The following FAM107A variants were observed in gnomAD, a reference collection of about 807,000 sequenced individuals.
FAM107A encodes actin-associated protein FAM107A.
Under a neutral mutation model 13.7 loss-of-function variants are expected in FAM107A, and 19 were observed. The observed-to-expected ratio is 1.38, with a 90% CI of 0.97 to 2.03. FAM107A has a LOEUF of 2.03. Ranked by LOEUF, FAM107A falls within the 30% of genes most tolerant of loss-of-function variation. FAM107A has a pLI of 0.00. For missense variants in FAM107A, 203 were observed against 184.4 expected, an observed-to-expected ratio of 1.10 and a Z score of -0.58; for synonymous variants, 82 against 74.5, an observed-to-expected ratio of 1.10 and a Z score of -0.52.
At chr3:58,573,038 A>G (rs1210108122) in intron 1 of FAM107A, among the ~76,000 whole-genome samples, 3 of 33,846 alleles carry the variant, frequency 8.9e-5, no homozygotes, top group Non-Finnish European at 1.6e-4. Flanking sequence ...GACTTGCTCC[A>G]GGCCTTAAAA....
At chr3:58,591,366 C>T (rs150333237), upstream of FAM107A, among the ~76,000 whole-genome samples, 162 of 152,178 alleles carry the variant, frequency 1.1e-3, no homozygotes, top group African/African-American at 3.5e-3. The surrounding 1 kb of genome is among the most constrained non-coding windows in gnomAD (Gnocchi z 4.3). Flanking sequence ...GCAGGGTCAG[C>T]GGTTAATGCA....
intron 1 of FAM107A, among the ~76,000 whole-genome samples, chr3:58,576,351 A>C (rs2063730607): frequency 6.6e-6 from 1 of 152,256 alleles, no homozygotes; most frequent in African/African-American, 2.4e-5. Context: ...AGGGCTAGAC[A>C]TGGAGGATAC....
upstream of FAM107A, among the ~76,000 whole-genome samples, chr3:58,590,757 C>G (rs762745296): frequency 2.0e-5 from 3 of 152,170 alleles, no homozygotes; most frequent in Non-Finnish European, 4.4e-5. Flanking sequence ...CTAATCACCT[C>G]CCACTAGGTC....
At chr3:58,622,502 C>T (rs1419851060) in intron 1 of FAM107A, among the ~76,000 whole-genome samples, 2 of 152,104 alleles carry the variant, frequency 1.3e-5, no homozygotes, top group Non-Finnish European at 2.9e-5. Context: ...GGTTGGAGCT[C>T]GACAATTGAC....
At position 58,569,670 on chromosome 3, in the gene FAM107A, G is replaced by A; in HGVS notation, c.170+21C>T. The A allele has an allele frequency of 6.3e-7, 1 of 1,598,724 alleles. No individual in the cohort carries two copies. Among genetic ancestry groups the A allele is most frequent in the Non-Finnish European group, 8.5e-7 (1 of 1,172,680 alleles). ...AGGCCCAGGTGCTTGCGGGGCCCAG[G>A]CAGCAGGGCTTCATCCCTACCTTCT... is the stretch of plus-strand genomic sequence containing the variant. On this transcript the variant is annotated intron_variant, in intron 2 of 3. Coordinates refer to ENST00000360997, the MANE Select transcript of FAM107A (RefSeq NM_001076778.3). The surrounding 1 kb of genome is among the most constrained non-coding windows in gnomAD (Gnocchi z 5.7).
Position 58,617,052 on chromosome 3 carries a change from G to A in FAM107A, c.-70+10364C>T, listed in dbSNP as rs11719674. Among the ~76,000 whole-genome samples, 10,894 of 152,206 alleles carry A rather than the reference G, an allele frequency of 0.072. 432 individuals carry two copies. The highest frequency in any genetic ancestry group is 0.094 in the African/African-American group (3,890 of 41,534). ...CTCCCAAAGTGCTGGGATTACAGGCGTGAGCCACCGCGCCTGGCCTCGGCT... is the reference window on the plus strand; with the variant it reads ...CTCCCAAAGTGCTGGGATTACAGGCATGAGCCACCGCGCCTGGCCTCGGCT... On this transcript the variant is annotated intron_variant, in intron 1 of 3. Coordinates refer to the FAM107A transcript ENST00000465970. This position sits in a 1 kb window ranked among gnomAD's most constrained non-coding sequence, Gnocchi z 4.5.
chr3:58,618,731 C>T (rs2065926667), intron 1 of FAM107A, among the ~76,000 whole-genome samples: 1 of 151,610 alleles, frequency 6.6e-6, no homozygotes, highest in South Asian at 2.1e-4. Flanking sequence ...CTCTTCCTCT[C>T]TTGAGGTCTT....
chr3:58,625,965 C>T (rs1394508877), intron 1 of FAM107A, among the ~76,000 whole-genome samples: 2 of 152,196 alleles, frequency 1.3e-5, no homozygotes, highest in Non-Finnish European at 2.9e-5. Flanking sequence ...TGGGGTAGCA[C>T]ACTGAGCACT....
In FAM107A at chr3:58,565,442, T is replaced by TAA. The variant is rs2063610735; in HGVS notation, c.*1145_*1146insTT. 2 of 125,604 alleles carry TAA rather than the reference T, an allele frequency of 1.6e-5. No homozygotes were observed. The highest frequency in any genetic ancestry group is 2.5e-4 in the South Asian group (1 of 4,052). 7.8% of individuals were successfully genotyped at this position (125,604 alleles called of 1,614,324 possible). On this transcript the variant is annotated 3_prime_UTR_variant, in exon 4 of 4. Transcript: ENST00000360997. ...AAAAAGTAAAAAAAAAAAATTTTTTTTTTTTTTTTTTTTTTTTTGGCTAGA... is the reference window on the plus strand; with the variant it reads ...AAAAAGTAAAAAAAAAAAATTTTTTTAATTTTTTTTTTTTTTTTTTGGCTAGA...
chr3:58,567,387 G>A lies in FAM107A; in HGVS notation c.171-23C>T, dbSNP rs201927634. 6 of 1,598,716 alleles carry A rather than the reference G, an allele frequency of 3.8e-6. No homozygotes were observed. The East Asian group carries it at 1.4e-4, about 36-fold the overall frequency. ...CCCCTGGGGTGGGAAGTGGGGAGCT[G>A]TCAGGAGACCATCACCTTCCCGCTT... On this transcript the variant is annotated intron_variant, in intron 2 of 3. Coordinates refer to ENST00000360997, the MANE Select transcript of FAM107A (RefSeq NM_001076778.3).
intron 1 of FAM107A, chr3:58,626,994 T>G: frequency 6.5e-7 from 1 of 1,536,016 alleles, no homozygotes; most frequent in East Asian, 2.4e-5. Flanking sequence ...GCTGCTCCCA[T>G]GGCACGAAGT....
chr3:58,612,767 C>G (rs1274970788), intron 1 of FAM107A, among the ~76,000 whole-genome samples: 1 of 152,052 alleles, frequency 6.6e-6, no homozygotes, highest in African/African-American at 2.4e-5. Flanking sequence ...GCTAAGTTCA[C>G]TTTTTAAAAT....
chr3:58,615,888 GA>G lies in FAM107A; in HGVS notation c.-70+11527del, dbSNP rs1209348005. Among the ~76,000 whole-genome samples, 27 of 105,192 alleles carry G rather than the reference GA, an allele frequency of 2.6e-4. No homozygotes were observed. In the Admixed American group the frequency reaches 3.5e-3, roughly 14 times the overall value. 69.0% of individuals were successfully genotyped at this position (105,192 alleles called of 152,430 possible). A position where few individuals can be genotyped will look rare whatever the true frequency, so the allele number is the denominator to read the frequency against. On this transcript the variant is annotated intron_variant, in intron 1 of 3. Transcript: ENST00000465970. The stretch of plus-strand genomic sequence containing the variant: ...CACTCCAGCCTGGGTGACAGAGCCA[GA>G]CCCTGTCTCAAAAAAAAAAAAAAAA...
chr3:58,580,446 T>A (rs2065521650), upstream of FAM107A, among the ~76,000 whole-genome samples: 1 of 146,732 alleles, frequency 6.8e-6, no homozygotes, highest in Admixed American at 6.8e-5. Context: ...GACAGAGCAT[T>A]ACTCTGTTAC....
chr3:58,622,251 C>A (rs554379898), intron 1 of FAM107A, among the ~76,000 whole-genome samples: 158 of 152,260 alleles, frequency 1.0e-3, no homozygotes, highest in Middle Eastern at 3.4e-3. Context: ...CCAGCCTGGC[C>A]AACATGACAA....
chr3:58,625,105 G>A (rs901246554), intron 1 of FAM107A, among the ~76,000 whole-genome samples: 15 of 152,118 alleles, frequency 9.9e-5, no homozygotes, highest in Non-Finnish European at 1.5e-4. Flanking sequence ...ATAAAAATGA[G>A]AAATAAAAAT....
upstream of FAM107A, among the ~76,000 whole-genome samples, chr3:58,590,143 A>T (rs1399393275): frequency 6.6e-6 from 1 of 152,220 alleles, no homozygotes; most frequent in Non-Finnish European, 1.5e-5. Context: ...CAGCTACCTG[A>T]CATCTCCACT....
chr3:58,577,498 A>G (rs1216511474), upstream of FAM107A: 2 of 985,270 alleles, frequency 2.0e-6, no homozygotes, highest in Non-Finnish European at 2.4e-6. The surrounding 1 kb of genome is among the most constrained non-coding windows in gnomAD (Gnocchi z 4.9). Flanking sequence ...TGGTATCAAT[A>G]AAAAGGAACT....
rs11716914 is a variant in FAM107A, at chr3:58,602,910, A to T, written c.-69-13641T>A. Among the ~76,000 whole-genome samples the T allele has an allele frequency of 3.7e-3, 562 of 152,004 alleles. 1 individual carries two copies. The highest frequency in any genetic ancestry group is 6.1e-3 in the Non-Finnish European group (412 of 67,946). On this transcript the variant is annotated intron_variant, in intron 1 of 3. Coordinates refer to the FAM107A transcript ENST00000465970. The stretch of plus-strand genomic sequence containing the variant: ...TGTGGGTGTAGATATGTGTATATGT[A>T]TGTGTGTCCATACATAGGTATGTTA...
Sources: gnomAD v4.1 joint callset for allele counts (sites outside exome capture counted in the v4.1 genomes callset) on GRCh38, gnomAD v4.1.1 for gene constraint, Gnocchi (gnomAD v3.1) non-coding constraint, MANE v1.5 for transcripts, NCBI Gene and HGNC (gene_info 2026-07-23, HGNC 2026-07-21) for gene names.